Variants in ITSN1 observed in about 807,000 individuals in gnomAD.
The protein encoded by ITSN1 is intersectin 1.
In ITSN1, 58 loss-of-function variants were observed where a neutral mutation model predicts 239.8. That is an observed-to-expected ratio of 0.24 (90% confidence interval 0.20 to 0.30). The LOEUF (loss-of-function observed/expected upper bound fraction) is 0.30, where lower values mean the gene tolerates loss of function less well. Ranked by LOEUF, ITSN1 falls within the 10% of genes least tolerant of loss-of-function variation. The probability of loss-of-function intolerance (pLI) is 1.00; values close to 1 mark genes in which losing one functional copy is unlikely to be tolerated. For missense variants in ITSN1, 1,558 were observed against 2,103.3 expected, an observed-to-expected ratio of 0.74 and a Z score of 5.07; for synonymous variants, 780 against 770.8, an observed-to-expected ratio of 1.01 and a Z score of -0.20.
chr21:33,836,776 T>G, intron 29 of ITSN1, 144 bp downstream of exon 29: 1 of 763,402 alleles, frequency 1.3e-6, no homozygotes, highest in Non-Finnish European at 2.1e-6. Flanking sequence ...TTGAAGACCT[T>G]CTGTAATGCA....
At chr21:33,748,007 ACT>A (rs1390079436) in intron 5 of ITSN1, among the ~76,000 whole-genome samples, 5 of 152,218 alleles carry the variant, frequency 3.3e-5, no homozygotes, top group Admixed American at 6.5e-5. Context: ...AATAATTATA[ACT>A]CTATTATTGG....
intron 5 of ITSN1, among the ~76,000 whole-genome samples, chr21:33,745,905 C>T (rs2067152109): frequency 6.6e-6 from 1 of 152,118 alleles, no homozygotes; most frequent in African/African-American, 2.4e-5. Flanking sequence ...AGAGAATATG[C>T]AGAAAGGCCC....
chr21:33,766,330 T>C (rs527673259), intron 10 of ITSN1, among the ~76,000 whole-genome samples: 24 of 152,186 alleles, frequency 1.6e-4, no homozygotes, highest in Non-Finnish European at 3.1e-4. Flanking sequence ...AGCCTATGCA[T>C]AGAGAAGAAA....
chr21:33,739,574 A>T (rs1190103464), intron 5 of ITSN1, among the ~76,000 whole-genome samples: 1 of 152,182 alleles, frequency 6.6e-6, no homozygotes, highest in Non-Finnish European at 1.5e-5. Flanking sequence ...AAACAGAGTA[A>T]TAGTAGAGAG....
At chr21:33,842,695 C>T (rs1315675733) in intron 29 of ITSN1, among the ~76,000 whole-genome samples, 1 of 152,162 alleles carries the variant, frequency 6.6e-6, no homozygotes, top group East Asian at 1.9e-4. Flanking sequence ...ATCTGCTTGG[C>T]ACGTCGCTTC....
At chr21:33,712,985 C>G (rs2092458647) in intron 1 of ITSN1, among the ~76,000 whole-genome samples, 1 of 152,092 alleles carries the variant, frequency 6.6e-6, no homozygotes, top group East Asian at 1.9e-4. Context: ...TCAAGCGATT[C>G]TTGAGCCTCA....
intron 1 of ITSN1, among the ~76,000 whole-genome samples, chr21:33,716,922 C>G (rs1047049489): frequency 5.4e-5 from 8 of 147,126 alleles, no homozygotes; most frequent in Non-Finnish European, 1.0e-4. Context: ...GGCAACAAAG[C>G]AAGACTCCGT....
chr21:33,774,648 T>G, intron 12 of ITSN1, 81 bp from the exon 13 acceptor site: 1 of 1,357,368 alleles, frequency 7.4e-7, no homozygotes, highest in Non-Finnish European at 1.0e-6. Flanking sequence ...AGGAAAGACT[T>G]CCTAGATGCC....
intron 1 of ITSN1, among the ~76,000 whole-genome samples, chr21:33,703,322 A>G (rs866574124): frequency 6.6e-6 from 1 of 152,060 alleles, no homozygotes. Context: ...GATCATCAGT[A>G]TTTTTTCTTT....
At chr21:33,798,630 G>T (rs1483103571) in intron 18 of ITSN1, among the ~76,000 whole-genome samples, 1 of 152,102 alleles carries the variant, frequency 6.6e-6, no homozygotes, top group Non-Finnish European at 1.5e-5. Flanking sequence ...TACCAGTTTT[G>T]CTTGGTCATC....
At chr21:33,833,194 G>A (rs2074395975) in intron 27 of ITSN1, among the ~76,000 whole-genome samples, 1 of 152,136 alleles carries the variant, frequency 6.6e-6, no homozygotes, top group Admixed American at 6.5e-5. Flanking sequence ...GGTTTATAGG[G>A]ACAGTCATCT....
rs540019118 is a variant in ITSN1 at position 33,898,298 on chromosome 21, C to G, written c.*9998C>G. On this transcript the variant is annotated 3_prime_UTR_variant, in exon 40 of 40. Transcript: ENST00000381318. ...TTTCCTGATGCATCCTCACTGTCTT[C>G]AACTGTTGCATAGCCAGGTGGGTGG... is the stretch of plus-strand genomic sequence containing the variant. The G allele has an allele frequency of 2.0e-5, 3 of 152,238 alleles. No homozygotes were observed. The highest frequency in any genetic ancestry group is 4.4e-5 in the Non-Finnish European group (3 of 68,050). The allele number at this position is 152,238 out of a possible 1,614,324, so 9.4% of individuals were successfully genotyped here.
At chr21:33,713,828 CTTTTTTTTTTTTTT>C (rs35226795) in intron 1 of ITSN1, among the ~76,000 whole-genome samples, 1 of 89,364 alleles carries the variant, frequency 1.1e-5, no homozygotes, top group Admixed American at 1.7e-4. Context: ...CCAGCCTCAT[CTTTTTTTTTTTTTT>C]TTTTTTTTTT....
intron 9 of ITSN1, among the ~76,000 whole-genome samples, chr21:33,763,249 A>AAC (rs1158891062): frequency 2.0e-5 from 3 of 151,676 alleles, no homozygotes; most frequent in East Asian, 1.9e-4. Context: ...AAAAAAAAAA[A>AAC]AAAACTCCGT....
intron 1 of ITSN1, among the ~76,000 whole-genome samples, chr21:33,681,146 A>G (rs1234248789): frequency 6.6e-6 from 1 of 152,196 alleles, no homozygotes; most frequent in Non-Finnish European, 1.5e-5. Context: ...ATGGACAGGT[A>G]GGAAAGGGTC....
intron 1 of ITSN1, among the ~76,000 whole-genome samples, chr21:33,703,445 G>T (rs2092113596): frequency 6.6e-6 from 1 of 152,098 alleles, no homozygotes; most frequent in Non-Finnish European, 1.5e-5. Context: ...CAAACTTGAA[G>T]AAACTATTTA....
chr21:33,891,182 C>T lies in ITSN1; in HGVS notation c.*2882C>T, dbSNP rs1469067723. ...ACCATGAGAGCCTGAAGATGTGGCT[C>T]ATTCGGATCCAGGCCTGGACTAATC... On this transcript the variant is annotated 3_prime_UTR_variant, in exon 40 of 40. Coordinates refer to ENST00000381318, the MANE Select transcript of ITSN1 (RefSeq NM_003024.3). The T allele has an allele frequency of 6.6e-6, 1 of 152,216 alleles. No homozygotes were observed. The highest frequency in any genetic ancestry group is 2.4e-5 in the African/African-American group (1 of 41,450). The allele number at this position is 152,216 out of a possible 1,614,324, so 9.4% of individuals were successfully genotyped here.
At chr21:33,736,353 T>G (rs1280509619) in intron 5 of ITSN1, among the ~76,000 whole-genome samples, 1 of 152,250 alleles carries the variant, frequency 6.6e-6, no homozygotes, top group African/African-American at 2.4e-5. Context: ...TGGTTTTACT[T>G]ACTAGGTTTC....
chr21:33,814,771 G>A (rs530138070), intron 22 of ITSN1, among the ~76,000 whole-genome samples: 11 of 152,210 alleles, frequency 7.2e-5, no homozygotes, highest in African/African-American at 1.7e-4. Context: ...GTGGAGGGCC[G>A]GCAGGGCGGT....
Sources: gnomAD v4.1 joint callset for allele counts (sites outside exome capture counted in the v4.1 genomes callset) on GRCh38, gnomAD v4.1.1 for gene constraint, MANE v1.5 for transcripts, NCBI Gene and HGNC (gene_info 2026-07-23, HGNC 2026-07-21) for gene names.